KIF20B: variants seen among roughly 807,000 people sequenced by gnomAD.
KIF20B encodes the protein kinesin-like protein KIF20B.
Under a neutral mutation model 232.5 loss-of-function variants are expected in KIF20B, and 188 were observed. That is an observed-to-expected ratio of 0.81 (90% CI 0.72 to 0.91). The LOEUF (loss-of-function observed/expected upper bound fraction) is 0.91, where lower values mean the gene tolerates loss of function less well. Among genes scored for constraint, KIF20B ranks in the 40% least tolerant of loss-of-function variants. The pLI is 0.00. For synonymous variants in KIF20B, 712 were observed against 683.0 expected (o/e 1.04, Z -0.66); for missense variants, 2,154 against 2,055.9 (o/e 1.05, Z -0.92).
At chr10:89,701,926 C>G (rs1842618601) in intron 1 of KIF20B, among the ~76,000 whole-genome samples, 1 of 152,168 alleles carries the variant, frequency 6.6e-6, no homozygotes, top group Non-Finnish European at 1.5e-5. Context: ...CTGAGTGACG[C>G]AAGACAATTC....
At chr10:89,720,669 TG>T (rs1457283883) in intron 13 of KIF20B, among the ~76,000 whole-genome samples, 11 of 152,140 alleles carry the variant, frequency 7.2e-5, no homozygotes, top group African/African-American at 1.2e-4. Flanking sequence ...ATTTAACGGT[TG>T]TTTTTTTAGC....
At chr10:89,771,724 A>G (rs142550120) in intron 31 of KIF20B, among the ~76,000 whole-genome samples, 14 of 151,798 alleles carry the variant, frequency 9.2e-5, no homozygotes, top group African/African-American at 3.4e-4. Context: ...GCTCCCTCCA[A>G]CCTCCAGCCC....
At chr10:89,721,891 A>G (rs1185996678) in intron 13 of KIF20B, among the ~76,000 whole-genome samples, 1 of 152,160 alleles carries the variant, frequency 6.6e-6, no homozygotes, top group East Asian at 1.9e-4. Flanking sequence ...TTAAAAATCA[A>G]TATGATTAGG....
At chr10:89,760,687 A>G (rs370732775) in intron 28 of KIF20B, 51 bp downstream of exon 28, 4 of 1,044,566 alleles carry the variant, frequency 3.8e-6, no homozygotes, top group Non-Finnish European at 6.0e-6. Context: ...ATCCACTATT[A>G]CTAAATAACA....
intron 13 of KIF20B, among the ~76,000 whole-genome samples, chr10:89,722,727 A>G (rs1165731027): frequency 1.3e-5 from 2 of 150,410 alleles, no homozygotes; most frequent in East Asian, 3.9e-4. Flanking sequence ...ATTCATTCTG[A>G]TGTCTCCTTC....
chr10:89,752,793 A>G, intron 25 of KIF20B, 102 bp downstream of exon 25: 1 of 777,826 alleles, frequency 1.3e-6, no homozygotes, highest in Non-Finnish European at 1.8e-6. Context: ...TCACTTAGAT[A>G]TGGGTGAAAT....
At chr10:89,772,958 TCA>T (rs1320622594) in intron 32 of KIF20B, 127 bp downstream of exon 32, 8 of 695,990 alleles carry the variant, frequency 1.1e-5, no homozygotes, top group African/African-American at 9.2e-5. Flanking sequence ...GCTTTTAGTC[TCA>T]CATGTGTTAA....
intron 23 of KIF20B, among the ~76,000 whole-genome samples, chr10:89,747,867 C>T (rs1358052484): frequency 7.3e-6 from 1 of 137,556 alleles, no homozygotes; most frequent in African/African-American, 3.0e-5. Flanking sequence ...GCACATGTAC[C>T]CTAAAACTTA....
chr10:89,744,714 T>TA (rs1841875230), intron 22 of KIF20B, among the ~76,000 whole-genome samples: 1 of 152,166 alleles, frequency 6.6e-6, no homozygotes, highest in African/African-American at 2.4e-5. Context: ...ATAAAAAAAA[T>TA]ACATTTGTTA....
chr10:89,762,898 A>G, intron 29 of KIF20B, 63 bp downstream of exon 29: 1 of 1,191,456 alleles, frequency 8.4e-7, no homozygotes, highest in Non-Finnish European at 1.2e-6. Flanking sequence ...GTTATAGTAT[A>G]GAGTTAAACT....
intron 5 of KIF20B, among the ~76,000 whole-genome samples, chr10:89,710,539 C>T (rs1057206649): frequency 6.6e-6 from 1 of 152,050 alleles, no homozygotes; most frequent in Non-Finnish European, 1.5e-5. Flanking sequence ...TTGCTATTGG[C>T]TTTTAATTCA....
chr10:89,719,767 C>T, intron 13 of KIF20B, 61 bp downstream of exon 13: 3 of 1,324,504 alleles, frequency 2.3e-6, no homozygotes, highest in Non-Finnish European at 3.1e-6. Flanking sequence ...AAGGTTAAAT[C>T]TTAAGGCTCT....
At chr10:89,746,422 C>G (rs1050063334) in intron 23 of KIF20B, among the ~76,000 whole-genome samples, 4 of 152,192 alleles carry the variant, frequency 2.6e-5, no homozygotes, top group African/African-American at 9.7e-5. Flanking sequence ...CGGCCGGACT[C>G]TCCTCTGACT....
intron 16 of KIF20B, among the ~76,000 whole-genome samples, chr10:89,727,194 G>T (rs1400054710): frequency 2.0e-5 from 3 of 151,840 alleles, no homozygotes; most frequent in Non-Finnish European, 4.4e-5. Context: ...GTGGTTTAAA[G>T]TAATTTGTTA....
chr10:89,749,535 G>C (rs780275578), intron 23 of KIF20B, among the ~76,000 whole-genome samples: 14 of 151,968 alleles, frequency 9.2e-5, no homozygotes, highest in Non-Finnish European at 1.5e-4. Flanking sequence ...ACTTCAAAAA[G>C]AAACCCTGTA....
At chr10:89,756,959 G>T (rs1842131437) in intron 26 of KIF20B, among the ~76,000 whole-genome samples, 1 of 149,994 alleles carries the variant, frequency 6.7e-6, no homozygotes, top group Non-Finnish European at 1.5e-5. Context: ...TGGCTGTTAT[G>T]AATAAATTTT....
At chr10:89,746,578 C>T (rs1425899622) in intron 23 of KIF20B, among the ~76,000 whole-genome samples, 1 of 152,144 alleles carries the variant, frequency 6.6e-6, no homozygotes, top group East Asian at 1.9e-4. Context: ...TTTGTAGGCA[C>T]AGGATGGGGG....
chr10:89,757,040 G>GTATGTGTATATATATATATATA (rs1554852904), intron 26 of KIF20B, among the ~76,000 whole-genome samples: 87 of 110,752 alleles, frequency 7.9e-4, no homozygotes, highest in Non-Finnish European at 1.4e-3. Flanking sequence ...GTGTGTGTGT[G>GTATGTGTATATATATATATATA]TATATATATA....
chr10:89,702,236 T>G (rs1842627738), intron 1 of KIF20B, among the ~76,000 whole-genome samples: 1 of 152,162 alleles, frequency 6.6e-6, no homozygotes, highest in African/African-American at 2.4e-5. Flanking sequence ...CTCTGTGCAC[T>G]TATTTCCAGA....
Sources: allele counts gnomAD v4.1 joint callset (sites outside exome capture counted in the v4.1 genomes callset), GRCh38; gene constraint gnomAD v4.1.1; transcripts MANE v1.5; gene names NCBI Gene and HGNC (gene_info 2026-07-23, HGNC 2026-07-21).